PDZD2: variants seen among roughly 807,000 people sequenced by gnomAD.
PDZD2 encodes PDZ domain containing 2.
PDZD2 carries 90 observed loss-of-function variants against 220.7 expected under a neutral mutation model. The ratio of observed to expected loss-of-function variants is 0.41; its 90% CI spans 0.34 to 0.49. The LOEUF (loss-of-function observed/expected upper bound fraction) is 0.49. Ranked by LOEUF, PDZD2 falls within the 20% of genes least tolerant of loss-of-function variation. PDZD2 has a pLI of 0.28. For synonymous variants in PDZD2, 1,375 were observed against 1,450.5 expected (o/e 0.95, Z 1.18); for missense variants, 3,174 against 3,608.5 (o/e 0.88, Z 3.08).
intron 1 of PDZD2, among the ~76,000 whole-genome samples, chr5:31,682,378 T>C (rs540935432): frequency 1.2e-3 from 180 of 152,290 alleles, no homozygotes; most frequent in African/African-American, 4.2e-3. Context: ...GGTGCCTTAG[T>C]TGATAGCTTT....
Position 32,089,959 on chromosome 5 carries a change from T to G in PDZD2, c.6511T>G (p.Ser2171Ala). The change falls in exon 20 of 25, where the codon TCC becomes GCC. Residue 2171 changes from serine (S) to alanine (A), a missense_variant. Physicochemically the swap from Ser to Ala is moderately conservative, Grantham distance 99. This residue lies in a region of PDZD2 where 1,861 missense variants were observed against 2,001.0 expected (regional missense o/e 0.93). Transcript: ENST00000438447. ...CAGCATGGCAAAACTGGCGTCCTCC[T>G]CCTCCTCCCTTCAAACAGCCATTAG... ...SFSMAKLASS[S>A]SSLQTAIRKA... 1 of 1,605,498 alleles carries G rather than the reference T, an allele frequency of 6.2e-7. No individual in the cohort carries two copies. The highest frequency in any genetic ancestry group is 8.5e-7 in the Non-Finnish European group (1 of 1,175,864).
At chr5:31,698,598 CAAA>C (rs755216242) in intron 1 of PDZD2, among the ~76,000 whole-genome samples, 5 of 80,870 alleles carry the variant, frequency 6.2e-5, no homozygotes, top group Admixed American at 1.5e-4. Context: ...GACTCTGTCT[CAAA>C]AAAAAAAAAA....
At chr5:31,889,211 G>A (rs996815684) in intron 2 of PDZD2, among the ~76,000 whole-genome samples, 11 of 152,312 alleles carry the variant, frequency 7.2e-5, no homozygotes, top group Admixed American at 1.3e-4. Context: ...TTACCAAGAA[G>A]TATTTACATT....
chr5:31,751,242 C>CAAAAA (rs545923936), intron 1 of PDZD2, among the ~76,000 whole-genome samples: 2 of 131,560 alleles, frequency 1.5e-5, no homozygotes, highest in Non-Finnish European at 1.6e-5. Context: ...AGTACATCTC[C>CAAAAA]AAAAAAAAAA....
chr5:31,813,720 C>T (rs1232425191), intron 2 of PDZD2, among the ~76,000 whole-genome samples: 3 of 152,088 alleles, frequency 2.0e-5, no homozygotes, highest in African/African-American at 4.8e-5. Context: ...ATAAAACGCA[C>T]GGTTTTGTCA....
chr5:31,704,219 C>T (rs182510458), intron 1 of PDZD2, among the ~76,000 whole-genome samples: 3 of 152,194 alleles, frequency 2.0e-5, no homozygotes, highest in African/African-American at 4.8e-5. Flanking sequence ...CACCATGTTG[C>T]CTAGGCTGGT....
intron 2 of PDZD2, among the ~76,000 whole-genome samples, chr5:31,875,604 A>G (rs900867484): frequency 1.4e-5 from 2 of 147,670 alleles, no homozygotes; most frequent in African/African-American, 2.5e-5. Context: ...AAAAATATAT[A>G]TATATATTTT....
intron 2 of PDZD2, among the ~76,000 whole-genome samples, chr5:31,896,171 T>G (rs1176833682): frequency 1.3e-5 from 2 of 151,702 alleles, no homozygotes; most frequent in African/African-American, 4.8e-5. Context: ...GACGGAAAGG[T>G]AAAAAATAAA....
At chr5:32,075,123 T>C (rs1741170915) in intron 18 of PDZD2, among the ~76,000 whole-genome samples, 1 of 152,100 alleles carries the variant, frequency 6.6e-6, no homozygotes, top group Admixed American at 6.6e-5. Flanking sequence ...AGGGAGCTTA[T>C]TAATGTATCA....
chr5:31,956,556 A>C (rs551617503), intron 2 of PDZD2, among the ~76,000 whole-genome samples: 1 of 146,494 alleles, frequency 6.8e-6, no homozygotes, highest in Non-Finnish European at 1.5e-5. Flanking sequence ...CAAAAAAAAA[A>C]AAATAAATAA....
In PDZD2 at chr5:31,796,041, A is replaced by C. The variant is rs544357671; in HGVS notation, c.-360-2848A>C. ...GTGGGCTCTCAGTGGCCCTGTTGCT[A>C]TCCTGTGGCCCCACCCTCTTGGCCA... On this transcript the variant is annotated intron_variant, in intron 1 of 24. Transcript: ENST00000438447. 2.0e-5 allele frequency among the ~76,000 whole-genome samples: 3 copies of C among 152,208 alleles called. No homozygotes were observed. The South Asian group carries it at 6.2e-4, about 32-fold the overall frequency.
intron 1 of PDZD2, among the ~76,000 whole-genome samples, chr5:31,735,185 G>A (rs1367947744): frequency 2.6e-5 from 4 of 152,194 alleles, no homozygotes; most frequent in African/African-American, 7.2e-5. Flanking sequence ...GCAGGAGAAG[G>A]GGAGGGCTTC....
At position 32,074,524 on chromosome 5, in the gene PDZD2, TCA is replaced by T; in HGVS notation, c.3421_3422del (p.Gln1141AspfsTer10). On this transcript the variant is annotated frameshift_variant, in exon 18 of 25. Coordinates refer to ENST00000438447, the MANE Select transcript of PDZD2 (RefSeq NM_178140.4). LOFTEE classifies it high-confidence loss of function. ...RSEAEAKPSG[S>X]QTVNLTGRAN... is the part of the protein sequence containing the mutation. ...CGAGGCTGAGGCCAAGCCCAGTGGCTCACAGACAGTGAACCTGACTGGCAGAG... is the reference window on the plus strand; with the variant it reads ...CGAGGCTGAGGCCAAGCCCAGTGGCTCAGACAGTGAACCTGACTGGCAGAG... 6.2e-7 allele frequency: 1 copy of T among 1,614,106 alleles called. No homozygotes were observed. The highest frequency in any genetic ancestry group is 8.5e-7 in the Non-Finnish European group (1 of 1,179,974).
chr5:31,871,198 G>C (rs1580951842), intron 2 of PDZD2, among the ~76,000 whole-genome samples: 1 of 152,010 alleles, frequency 6.6e-6, no homozygotes, highest in East Asian at 1.9e-4. Context: ...TTTTAATATT[G>C]TAAATGGGAT....
chr5:31,944,527 A>C (rs1264003619), intron 2 of PDZD2, among the ~76,000 whole-genome samples: 1 of 152,224 alleles, frequency 6.6e-6, no homozygotes, highest in Non-Finnish European at 1.5e-5. Flanking sequence ...TCTTAGTTGT[A>C]GGTAGCTTAA....
chr5:31,873,593 G>T (rs1459119433), intron 2 of PDZD2, among the ~76,000 whole-genome samples: 1 of 149,566 alleles, frequency 6.7e-6, no homozygotes, highest in Admixed American at 6.7e-5. Context: ...TAAAGCCAGG[G>T]TCTTGCTATG....
intron 2 of PDZD2, among the ~76,000 whole-genome samples, chr5:31,939,246 G>A (rs1746017245): frequency 6.6e-6 from 1 of 152,098 alleles, no homozygotes; most frequent in African/African-American, 2.4e-5. Flanking sequence ...TTTAGAAAAG[G>A]GGTTGGCTCT....
intron 7 of PDZD2, among the ~76,000 whole-genome samples, chr5:32,044,050 T>C (rs1737688478): frequency 6.6e-6 from 1 of 152,120 alleles, no homozygotes; most frequent in Admixed American, 6.6e-5. Context: ...CCTTCTAGGC[T>C]GGGCTTGGTG....
chr5:31,878,554 GCTTTTT>G (rs1739529388), intron 2 of PDZD2, among the ~76,000 whole-genome samples: 1 of 39,264 alleles, frequency 2.5e-5, no homozygotes, highest in African/African-American at 7.4e-5. Context: ...GATGACCTCG[GCTTTTT>G]TTTTTTTTTT....
Sources: gnomAD v4.1 joint callset for allele counts (sites outside exome capture counted in the v4.1 genomes callset) on GRCh38, gnomAD v4.1.1 for gene constraint, gnomAD v4.1.1 regional missense constraint, MANE v1.5 for transcripts, NCBI Gene and HGNC (gene_info 2026-07-23, HGNC 2026-07-21) for gene names.